The following MRPL39 variants were observed in gnomAD, a reference collection of about 807,000 sequenced individuals.
MRPL39 encodes the protein mitochondrial ribosomal protein L39.
MRPL39 carries 35 observed loss-of-function variants against 44.5 expected under a neutral mutation model. That is an observed-to-expected ratio of 0.79 (90% CI 0.60 to 1.04). The LOEUF is 1.04. Ranked by LOEUF, MRPL39 falls within the 50% of genes least tolerant of loss-of-function variation. The pLI is 0.00. For missense variants in MRPL39, 433 were observed against 413.5 expected, an observed-to-expected ratio of 1.05 and a Z score of -0.41; for synonymous variants, 139 against 136.1, an observed-to-expected ratio of 1.02 and a Z score of -0.15.
At position 25,592,821 on chromosome 21, in the gene MRPL39, A is replaced by T. The variant is rs1296560600; in HGVS notation, c.912T>A (p.Val304=). 2.5e-6 allele frequency: 4 copies of T among 1,607,698 alleles called. No individual in the cohort carries two copies. Among genetic ancestry groups the T allele is most frequent in the Non-Finnish European group, 3.4e-6 (4 of 1,176,270 alleles). Residue 304 remains valine (V), a synonymous_variant, in exon 8 of 10, where the codon GTT becomes GTA. Transcript: ENST00000352957. ...TTTAAGCTTTACTTACTCTTAAGTG[A>T]ACAGGTAAAGACACGCCCTGGAATC... ...IRRFQGVSLP[V]HLRAHFTIWD...
In MRPL39 at chr21:25,599,828, T is replaced by G; in HGVS notation, c.559A>C (p.Ser187Arg). Reference protein sequence around the residue: ...GAFCYDVVLDSKLDEWMPTKE... With the variant: ...GAFCYDVVLDRKLDEWMPTKE... ...GTTGGCATCCACTCATCAAGTTTGC[T>G]ATCCAAAACTACGTCATAACAGAAG... The change falls in exon 5 of 10, where the codon AGC (serine) becomes CGC (arginine). Residue 187 changes from serine to arginine, a missense_variant. Coordinates refer to ENST00000352957, the MANE Select transcript of MRPL39 (RefSeq NM_017446.4). The G allele has an allele frequency of 6.2e-7, 1 of 1,613,838 alleles. No homozygotes were observed. The highest frequency in any genetic ancestry group is 2.2e-5 in the East Asian group (1 of 44,872).
At chr21:25,605,000 T>C (rs7275556) in intron 2 of MRPL39, among the ~76,000 whole-genome samples, 2,978 of 152,306 alleles carry the variant, frequency 0.02, 85 homozygotes, top group African/African-American at 0.067. Context: ...GTAGTCCTAA[T>C]GCCTATCATA....
At chr21:25,594,251 T>TAC (rs1320903833) in intron 6 of MRPL39, among the ~76,000 whole-genome samples, 75,747 of 124,504 alleles carry the variant, frequency 0.61, 21,916 homozygotes, top group Middle Eastern at 0.67. Flanking sequence ...TCTTTGTTCT[T>TAC]TTTTTTTTTT....
At position 25,596,255 on chromosome 21, in the gene MRPL39, C is replaced by T. The variant is rs1021023713; in HGVS notation, c.701+1047G>A. On this transcript the variant is annotated intron_variant, in intron 6 of 9. Transcript: ENST00000352957. ...CTGGGACTACAGGCGCCCGCCACCACGCCCAGCTAATTTTTTGTATTTTTA... is the reference window on the plus strand; with the variant it reads ...CTGGGACTACAGGCGCCCGCCACCATGCCCAGCTAATTTTTTGTATTTTTA... Among the ~76,000 whole-genome samples the T allele has an allele frequency of 1.0e-3, 156 of 152,166 alleles. 11 individuals are homozygous for T. The highest frequency in any genetic ancestry group is 1.9e-4 in the East Asian group (1 of 5,188).
chr21:25,592,497 A>AT (rs2031209415), intron 8 of MRPL39, among the ~76,000 whole-genome samples: 1 of 152,188 alleles, frequency 6.6e-6, no homozygotes, highest in Non-Finnish European at 1.5e-5. Context: ...GCCAAATTTA[A>AT]GCTTAAAAGG....
At chr21:25,592,256 G>C (rs938048696) in intron 8 of MRPL39, among the ~76,000 whole-genome samples, 12 of 152,146 alleles carry the variant, frequency 7.9e-5, no homozygotes, top group African/African-American at 2.9e-4. Context: ...GAATTGTCCT[G>C]TATCTTCATT....
intron 8 of MRPL39, among the ~76,000 whole-genome samples, chr21:25,591,118 T>A (rs2031166546): frequency 7.0e-6 from 1 of 143,460 alleles, no homozygotes; most frequent in African/African-American, 2.6e-5. Context: ...AACCTAAATC[T>A]CACACTCATA....
chr21:25,600,819 C>T lies in MRPL39; in HGVS notation c.520+549G>A, dbSNP rs145675733. On this transcript the variant is annotated intron_variant, in intron 4 of 9. Transcript: ENST00000352957. ...ATATATGCTTAAAGTAAAAAATAAA[C>T]GCTAAGGGCCGGGCACGGTGGCTCA... Among the ~76,000 whole-genome samples, 54 of 152,170 alleles carry T rather than the reference C, an allele frequency of 3.5e-4. No homozygotes were observed. In the East Asian group the frequency reaches 6.8e-3, roughly 19 times the overall value.
rs1180635189 is a variant in MRPL39, at chr21:25,601,462, A to G, written c.426T>C (p.Tyr142=). 1 of 1,576,504 alleles carries G rather than the reference A, an allele frequency of 6.3e-7. No individual in the cohort carries two copies. The highest frequency in any genetic ancestry group is 1.4e-5 in the African/African-American group (1 of 74,030). ...DCDPGEVNKA[Y]WRSCAMMMGC... Reference sequence around the variant, plus strand: ...CCATCATCATAGCACAGGAACGCCAATATGCCTAGAAAAAAAATATACATA... The same window carrying G: ...CCATCATCATAGCACAGGAACGCCAGTATGCCTAGAAAAAAAATATACATA... The change falls in exon 4 of 10, where the codon TAT becomes TAC. Residue 142 remains tyrosine, a synonymous_variant. Coordinates refer to ENST00000352957, the MANE Select transcript of MRPL39 (RefSeq NM_017446.4).
At chr21:25,593,852 C>G in intron 7 of MRPL39, 41 bp downstream of exon 7, 1 of 1,543,482 alleles carries the variant, frequency 6.5e-7, no homozygotes, top group Non-Finnish European at 8.9e-7. Context: ...AAAGCTAAGC[C>G]TTACTCTAAC....
intron 2 of MRPL39, among the ~76,000 whole-genome samples, chr21:25,604,851 G>T (rs1382165796): frequency 6.6e-6 from 1 of 152,180 alleles, no homozygotes; most frequent in African/African-American, 2.4e-5. Flanking sequence ...TTCAATAACA[G>T]TTTACTGAAT....
At chr21:25,598,695 A>T (rs532315088) in intron 5 of MRPL39, among the ~76,000 whole-genome samples, 8 of 150,946 alleles carry the variant, frequency 5.3e-5, no homozygotes, top group African/African-American at 1.9e-4. Flanking sequence ...TTCTTTCTTG[A>T]TTCCCTCTTC....
At chr21:25,591,079 C>CAAAA (rs55796940) in intron 8 of MRPL39, among the ~76,000 whole-genome samples, 12 of 129,132 alleles carry the variant, frequency 9.3e-5, no homozygotes, top group African/African-American at 3.0e-4. Context: ...CTATAGCCCA[C>CAAAA]AAAAAAAAAA....
In MRPL39 at chr21:25,602,427, G is replaced by C. The variant is rs1157814344; in HGVS notation, c.421-960C>G. On this transcript the variant is annotated intron_variant, in intron 3 of 9. Coordinates refer to ENST00000352957, the MANE Select transcript of MRPL39 (RefSeq NM_017446.4). ...CAGAGTTTGTATGAAGGTTAAATGAGTTAATATCTGTAAATCACCTAGAAC... is the reference window on the plus strand; with the variant it reads ...CAGAGTTTGTATGAAGGTTAAATGACTTAATATCTGTAAATCACCTAGAAC... Among the ~76,000 whole-genome samples, 6 of 152,294 alleles carry C rather than the reference G, an allele frequency of 3.9e-5. No homozygotes were observed. The East Asian group carries it at 5.8e-4, about 15-fold the overall frequency.
upstream of MRPL39, chr21:25,607,593 G>C (rs1024209545): frequency 8.0e-6 from 8 of 1,005,432 alleles, no homozygotes; most frequent in African/African-American, 1.6e-5. Flanking sequence ...CAGACTGCTC[G>C]CCTCCACCGG....
intron 6 of MRPL39, among the ~76,000 whole-genome samples, chr21:25,594,475 G>C (rs1601374337): frequency 6.6e-6 from 1 of 151,732 alleles, no homozygotes; most frequent in East Asian, 1.9e-4. Context: ...TCAAACTCCT[G>C]GTGTCAAGCA....
intron 9 of MRPL39, among the ~76,000 whole-genome samples, chr21:25,586,194 TCAAA>T (rs1307960919): frequency 6.6e-6 from 1 of 152,182 alleles, no homozygotes; most frequent in Non-Finnish European, 1.5e-5. Context: ...CTCAGACTCA[TCAAA>T]CAGACATGGC....
Position 25,585,656 on chromosome 21 carries a change from TTA to T in MRPL39, c.*49_*50del. 2 of 1,013,156 alleles carry T rather than the reference TTA, an allele frequency of 2.0e-6. No homozygotes were observed. Among genetic ancestry groups the T allele is most frequent in the Non-Finnish European group, 2.9e-6 (2 of 700,320 alleles). 62.8% of individuals were successfully genotyped at this position (1,013,156 alleles called of 1,614,324 possible). A position where few individuals can be genotyped will look rare whatever the true frequency, so the allele number is the denominator to read the frequency against. On this transcript the variant is annotated 3_prime_UTR_variant, in exon 10 of 10. Transcript: ENST00000352957. ...TAATCTGTATAAGCACACACAAACA[TTA>T]TATTTAAAACATTTATTTTATTATA...
rs748733674 is a variant in MRPL39 at position 25,599,879 on chromosome 21, C to T, written c.521-13G>A. 4.3e-6 allele frequency: 7 copies of T among 1,609,660 alleles called. No homozygotes were observed. The Admixed American group carries it at 1.2e-4, about 27-fold the overall frequency. ...GCACCAGAAATTACTGTAAATCCAA[C>T]CAAAATAAAAAGCAAAGTCAAATCT... On this transcript the variant is annotated splice_polypyrimidine_tract_variant and intron_variant, in intron 4 of 9. Coordinates refer to ENST00000352957, the MANE Select transcript of MRPL39 (RefSeq NM_017446.4).
Sources: allele counts gnomAD v4.1 joint callset (sites outside exome capture counted in the v4.1 genomes callset), GRCh38; gene constraint gnomAD v4.1.1; transcripts MANE v1.5; gene names NCBI Gene and HGNC (gene_info 2026-07-23, HGNC 2026-07-21).